NECTIN3: variants seen among roughly 807,000 people sequenced by gnomAD.
The protein encoded by NECTIN3 is nectin-3.
Under a neutral mutation model 49.4 loss-of-function variants are expected in NECTIN3, and 8 were observed. The ratio of observed to expected loss-of-function variants is 0.16; its 90% CI spans 0.10 to 0.29. NECTIN3 has a LOEUF of 0.29. NECTIN3 is among the 10% of genes least tolerant of loss of function. The pLI, the probability that NECTIN3 is intolerant of heterozygous loss-of-function variation, is 1.00. For synonymous variants in NECTIN3, 277 were observed against 241.1 expected (o/e 1.15, Z -1.38); for missense variants, 581 against 654.6 (o/e 0.89, Z 1.23).
intron 5 of NECTIN3, among the ~76,000 whole-genome samples, chr3:111,143,967 T>C (rs1033082580): frequency 3.3e-5 from 5 of 152,056 alleles, no homozygotes; most frequent in African/African-American, 1.2e-4. Flanking sequence ...AACTTTGTAA[T>C]TCACAAATTC....
chr3:111,120,328 C>T (rs1046455456), intron 3 of NECTIN3, among the ~76,000 whole-genome samples: 1 of 151,888 alleles, frequency 6.6e-6, no homozygotes, highest in Admixed American at 6.6e-5. Flanking sequence ...TGTTGGCTTA[C>T]TCCTAAAATG....
chr3:111,164,858 A>G (rs2035287309), intron 7 of NECTIN3, among the ~76,000 whole-genome samples: 1 of 152,112 alleles, frequency 6.6e-6, no homozygotes, highest in Non-Finnish European at 1.5e-5. Context: ...TTTAGACATA[A>G]CTTTTTTGAG....
intron 1 of NECTIN3, among the ~76,000 whole-genome samples, chr3:111,083,953 A>G (rs1387578566): frequency 3.3e-5 from 5 of 152,234 alleles, no homozygotes; most frequent in African/African-American, 1.2e-4. Flanking sequence ...AGTGTCCACT[A>G]TAGAAAGTTG....
intron 7 of NECTIN3, among the ~76,000 whole-genome samples, chr3:111,177,980 T>G (rs2035561026): frequency 6.6e-6 from 1 of 152,220 alleles, no homozygotes. Flanking sequence ...CACTTTCTTG[T>G]GTATTTTAAT....
In NECTIN3 at chr3:111,074,214, T is replaced by C. The variant is rs538478109; in HGVS notation, c.160+2037T>C. 20 of 456,418 alleles carry C rather than the reference T, an allele frequency of 4.4e-5. 2 individuals are homozygous for C. Among genetic ancestry groups the C allele is most frequent in the African/African-American group, 2.0e-4 (10 of 50,204 alleles). The allele number at this position is 456,418 out of a possible 1,614,324, so 28.3% of individuals were successfully genotyped here. A position where few individuals can be genotyped will look rare whatever the true frequency, so the allele number is the denominator to read the frequency against. On this transcript the variant is annotated intron_variant, in intron 1 of 5. Transcript: ENST00000485303. ...AATAGGGCACAGATGTTGTGACTTA[T>C]GGAAGCTTAGTGGTATGGAAGCAAA...
upstream of NECTIN3, among the ~76,000 whole-genome samples, chr3:111,190,428 A>C (rs578089398): frequency 6.6e-6 from 1 of 152,224 alleles, no homozygotes; most frequent in African/African-American, 2.4e-5. Context: ...GAGGATGACT[A>C]TGTTAGTCTG....
chr3:111,160,452 T>C (rs1299642638), intron 7 of NECTIN3, among the ~76,000 whole-genome samples: 1 of 152,172 alleles, frequency 6.6e-6, no homozygotes, highest in Non-Finnish European at 1.5e-5. Flanking sequence ...GAAACCAAAG[T>C]GATAAGACTC....
Position 111,136,693 on chromosome 3 carries a change from G to T in NECTIN3, c.*2478G>T, listed in dbSNP as rs2034587552. ...CTATCGTGAAAAAAAATGAATATTT[G>T]TACTATTTTTGGCCATATTTATATT... is the stretch of plus-strand genomic sequence containing the variant. On this transcript the variant is annotated 3_prime_UTR_variant, in exon 6 of 6. Coordinates refer to ENST00000485303, the MANE Select transcript of NECTIN3 (RefSeq NM_015480.3). 7.7e-6 allele frequency: 7 copies of T among 912,418 alleles called. No homozygotes were observed. The highest frequency in any genetic ancestry group is 5.1e-5 in the South Asian group (1 of 19,786). The allele number at this position is 912,418 out of a possible 1,614,324, so 56.5% of individuals were successfully genotyped here.
intron 4 of NECTIN3, among the ~76,000 whole-genome samples, chr3:111,125,020 T>C (rs2034104006): frequency 7.0e-6 from 1 of 143,322 alleles, no homozygotes; most frequent in Non-Finnish European, 1.5e-5. Flanking sequence ...CTTCTTTTCT[T>C]TCTTTTTTTT....
intron 1 of NECTIN3, chr3:111,193,225 A>G (rs753516518): frequency 6.5e-7 from 1 of 1,535,752 alleles, no homozygotes; most frequent in South Asian, 1.2e-5. Context: ...AGGAGTTTTG[A>G]CTATGAAGAT....
intron 7 of NECTIN3, among the ~76,000 whole-genome samples, chr3:111,158,569 A>C (rs941856629): frequency 1.3e-5 from 2 of 152,156 alleles, no homozygotes; most frequent in African/African-American, 4.8e-5. Context: ...GAACCTGAGA[A>C]ATTGCAGACG....
intron 7 of NECTIN3, among the ~76,000 whole-genome samples, chr3:111,186,942 A>G (rs562054254): frequency 1.3e-5 from 2 of 152,338 alleles, no homozygotes; most frequent in Admixed American, 1.3e-4. Context: ...GTACATATAT[A>G]TTAGTCACCA....
At chr3:111,151,353 A>G (rs975831537) in intron 7 of NECTIN3, among the ~76,000 whole-genome samples, 24 of 151,894 alleles carry the variant, frequency 1.6e-4, no homozygotes, top group African/African-American at 5.6e-4. Flanking sequence ...TATAATATCC[A>G]TATCACAGAT....
intron 2 of NECTIN3, 94 bp downstream of exon 2, chr3:111,112,465 CT>C: frequency 1.2e-6 from 1 of 828,002 alleles, no homozygotes; most frequent in Non-Finnish European, 1.8e-6. Flanking sequence ...TTTGATTTAA[CT>C]TTAGGTTTAA....
intron 1 of NECTIN3, among the ~76,000 whole-genome samples, chr3:111,081,414 G>A (rs554084508): frequency 6.4e-4 from 97 of 152,338 alleles, no homozygotes; most frequent in African/African-American, 2.3e-3. Flanking sequence ...ATTGTCAGGA[G>A]ATTGGAATGA....
chr3:111,145,425 T>C (rs1046339937), intron 6 of NECTIN3, among the ~76,000 whole-genome samples: 2 of 152,358 alleles, frequency 1.3e-5, no homozygotes, highest in Middle Eastern at 3.4e-3. Context: ...GCATGTCTTA[T>C]GTATAGATAT....
chr3:111,106,250 G>A (rs888029879), intron 1 of NECTIN3, among the ~76,000 whole-genome samples: 1 of 152,150 alleles, frequency 6.6e-6, no homozygotes, highest in South Asian at 2.1e-4. Flanking sequence ...ACCTAGAGCA[G>A]TGCCTGGCAC....
At chr3:111,178,056 C>T (rs1470302841) in intron 7 of NECTIN3, among the ~76,000 whole-genome samples, 3 of 152,098 alleles carry the variant, frequency 2.0e-5, no homozygotes, top group African/African-American at 7.2e-5. Flanking sequence ...TATCACATTT[C>T]GCTTTGAAAA....
intron 7 of NECTIN3, among the ~76,000 whole-genome samples, chr3:111,154,882 C>T (rs912246382): frequency 6.6e-6 from 1 of 151,878 alleles, no homozygotes; most frequent in Admixed American, 6.6e-5. Context: ...AGATACAAGT[C>T]CTTTGTCAGC....
Sources: gnomAD v4.1 joint callset for allele counts (sites outside exome capture counted in the v4.1 genomes callset) on GRCh38, gnomAD v4.1.1 for gene constraint, MANE v1.5 for transcripts, NCBI Gene and HGNC (gene_info 2026-07-23, HGNC 2026-07-21) for gene names.